FAT4: variants seen among roughly 807,000 people sequenced by gnomAD.
FAT4 encodes protocadherin Fat 4.
In FAT4, 84 loss-of-function variants were observed where a neutral mutation model predicts 303.9. The observed-to-expected ratio is 0.28, with a 90% CI of 0.23 to 0.33. The LOEUF is 0.33. Among genes scored for constraint, FAT4 ranks in the 10% least tolerant of loss-of-function variants. The pLI is 1.00. For missense variants in FAT4, 6,005 were observed against 6,146.8 expected (o/e 0.98, Z 0.77); for synonymous variants, 2,307 against 2,298.8 (o/e 1.00, Z -0.10).
At chr4:125,339,928 G>T in intron 2 of FAT4, among the ~76,000 whole-genome samples, 2 of 152,132 alleles carry the variant, frequency 1.3e-5, no homozygotes, top group East Asian at 3.9e-4. Context: ...TTGTATAATT[G>T]TATAATTGTA....
At chr4:125,405,792 A>G (rs561206429) in intron 3 of FAT4, among the ~76,000 whole-genome samples, 27 of 152,086 alleles carry the variant, frequency 1.8e-4, no homozygotes, top group Middle Eastern at 6.8e-3. Flanking sequence ...GTGAGCCACC[A>G]CGCCTGGCCA....
intron 2 of FAT4, among the ~76,000 whole-genome samples, chr4:125,352,583 T>C (rs942144428): frequency 6.6e-6 from 1 of 151,788 alleles, no homozygotes; most frequent in African/African-American, 2.4e-5. Context: ...TTGTTACTTT[T>C]TAAGCCTATT....
chr4:125,477,361 T>G, intron 14 of FAT4, 27 bp downstream of exon 14: 1 of 1,514,644 alleles, frequency 6.6e-7, no homozygotes, highest in Non-Finnish European at 8.9e-7. Context: ...TCTTACTGTT[T>G]TAAAGAAAAA....
Position 125,451,049 on chromosome 4 carries a change from G to A in FAT4, c.10039G>A (p.Gly3347Ser). 1 of 1,613,980 alleles carries A rather than the reference G, an allele frequency of 6.2e-7. No individual in the cohort carries two copies. The highest frequency in any genetic ancestry group is 8.5e-7 in the Non-Finnish European group (1 of 1,179,990). The change falls in exon 10 of 18, where the codon GGT becomes AGT. Residue 3347 changes from glycine (G) to serine (S), a missense_variant. By Grantham distance (56) the Gly-to-Ser change is moderately conservative (BLOSUM62 0). Transcript: ENST00000394329. ...YLIFGNSRKK[G>S]FQINKKTGQI... is the part of the protein sequence containing the mutation. ...GATTTTTGGTAATAGTCGAAAGAAGGGTTTCCAGATCAATAAGAAGACTGG... is the reference window on the plus strand; with the variant it reads ...GATTTTTGGTAATAGTCGAAAGAAGAGTTTCCAGATCAATAAGAAGACTGG...
Position 125,487,573 on chromosome 4 carries a change from C to G in FAT4, c.13051C>G (p.Pro4351Ala). The G allele has an allele frequency of 6.2e-7, 1 of 1,612,584 alleles. No individual in the cohort carries two copies. The highest frequency in any genetic ancestry group is 8.5e-7 in the Non-Finnish European group (1 of 1,179,226). The change falls in exon 17 of 18, where the codon CCA becomes GCA. Residue 4351 changes from proline to alanine, a missense_variant. By Grantham distance (27) the Pro-to-Ala change is conservative. Coordinates refer to ENST00000394329, the MANE Select transcript of FAT4 (RefSeq NM_001291303.3). ...GCTTACTATATCACTTGGAGGAATT[C>G]CACCCAATCAAGCACATCGAGATGC... ...DVLTISLGGIPPNQAHRDAQT... is the reference protein window; with the variant it reads ...DVLTISLGGIAPNQAHRDAQT...
chr4:125,379,848 T>A (rs1733473385), intron 2 of FAT4, among the ~76,000 whole-genome samples: 1 of 151,996 alleles, frequency 6.6e-6, no homozygotes, highest in South Asian at 2.1e-4. Context: ...CACATATATA[T>A]GTATACATAT....
intron 2 of FAT4, among the ~76,000 whole-genome samples, chr4:125,335,689 C>G (rs1457577815): frequency 6.7e-6 from 1 of 150,160 alleles, no homozygotes; most frequent in Admixed American, 6.6e-5. Context: ...TGGAGGAGTT[C>G]TATTTATTAT....
rs139068663 is a variant in FAT4 at position 125,358,000 on chromosome 4, G to C, written c.5175+36414G>C. On this transcript the variant is annotated intron_variant, in intron 2 of 17. Coordinates refer to ENST00000394329, the MANE Select transcript of FAT4 (RefSeq NM_001291303.3). ...GTTTCCTTTGTAGTCAGTTAAGTAT[G>C]GTTCTTTTAAGTAAGCCAGACCAGA... Among the ~76,000 whole-genome samples, 378 of 152,214 alleles carry C rather than the reference G, an allele frequency of 2.5e-3. 3 individuals carry two copies. The highest frequency in any genetic ancestry group is 8.1e-3 in the Admixed American group (124 of 15,272).
At chr4:125,373,725 T>G (rs2125993440) in intron 2 of FAT4, among the ~76,000 whole-genome samples, 1 of 152,260 alleles carries the variant, frequency 6.6e-6, no homozygotes, top group African/African-American at 2.4e-5. Flanking sequence ...GATTACTTGA[T>G]TGAAGAAACA....
At position 125,455,984 on chromosome 4, in the gene FAT4, C is replaced by T. The variant is rs368833945; in HGVS notation, c.11800+3174C>T. 3.9e-5 allele frequency among the ~76,000 whole-genome samples: 6 copies of T among 152,268 alleles called. No homozygotes were observed. In the East Asian group the frequency reaches 9.7e-4, roughly 25 times the overall value. On this transcript the variant is annotated intron_variant, in intron 10 of 17. Transcript: ENST00000394329. ...AGACATGGCAGGCATTGCAAGACACCGCTGCTGATCCTCTTGCCCACCTGC... is the reference window on the plus strand; with the variant it reads ...AGACATGGCAGGCATTGCAAGACACTGCTGCTGATCCTCTTGCCCACCTGC...
chr4:125,401,073 A>G (rs1437219361), intron 3 of FAT4, among the ~76,000 whole-genome samples: 1 of 152,018 alleles, frequency 6.6e-6, no homozygotes, highest in Non-Finnish European at 1.5e-5. Context: ...ACATTAAAGG[A>G]AAGGGGGGCA....
intron 2 of FAT4, among the ~76,000 whole-genome samples, chr4:125,349,215 A>G (rs902450261): frequency 1.3e-5 from 2 of 151,818 alleles, no homozygotes; most frequent in African/African-American, 4.8e-5. Context: ...TGAATTTTCC[A>G]GTATATTAAA....
intron 8 of FAT4, among the ~76,000 whole-genome samples, chr4:125,443,665 G>A (rs973416988): frequency 2.6e-5 from 4 of 152,108 alleles, no homozygotes; most frequent in Non-Finnish European, 5.9e-5. Context: ...CATGCACTAA[G>A]AAATCAATAA....
chr4:125,449,088 C>T lies in FAT4; in HGVS notation c.8078C>T (p.Ser2693Leu), dbSNP rs148918820. 6.4e-4 allele frequency: 1,031 copies of T among 1,613,816 alleles called. No individual in the cohort carries two copies. The highest frequency in any genetic ancestry group is 8.5e-4 in the Non-Finnish European group (998 of 1,179,880). The change falls in exon 10 of 18, where the codon TCG becomes TTG. Residue 2693 changes from serine (S) to leucine (L), a missense_variant. By Grantham distance (145) the Ser-to-Leu change is moderately radical. Transcript: ENST00000394329. Reference sequence around the variant, plus strand: ...TCCCCTCGAAAAATACTTACTGTTTCGGCAATGGACAAGGACAGTGGACCC... The same window carrying T: ...TCCCCTCGAAAAATACTTACTGTTTTGGCAATGGACAAGGACAGTGGACCC... ...NLSPRKILTV[S>L]AMDKDSGPNG...
chr4:125,392,642 G>A (rs1391837524), intron 2 of FAT4, among the ~76,000 whole-genome samples: 2 of 151,922 alleles, frequency 1.3e-5, no homozygotes, highest in Non-Finnish European at 2.9e-5. Flanking sequence ...GTTTTCCAGT[G>A]GCATTGATAA....
chr4:125,469,276 G>T (rs1038767496), intron 12 of FAT4, among the ~76,000 whole-genome samples: 1 of 152,148 alleles, frequency 6.6e-6, no homozygotes, highest in Non-Finnish European at 1.5e-5. Flanking sequence ...CTGGTGGAGG[G>T]TCTTGCCTTG....
chr4:125,391,076 T>C (rs555486631), intron 2 of FAT4, among the ~76,000 whole-genome samples: 61 of 152,270 alleles, frequency 4.0e-4, no homozygotes, highest in Middle Eastern at 6.8e-3. Flanking sequence ...TTGGGGGTAA[T>C]GTAAGTAAGT....
intron 12 of FAT4, among the ~76,000 whole-genome samples, chr4:125,469,740 G>A (rs1376988409): frequency 1.3e-5 from 2 of 152,084 alleles, no homozygotes; most frequent in African/African-American, 4.8e-5. Context: ...TACCACATTG[G>A]CAATTACTTC....
intron 2 of FAT4, among the ~76,000 whole-genome samples, chr4:125,352,043 A>C (rs1031700666): frequency 1.3e-5 from 2 of 151,700 alleles, no homozygotes; most frequent in Non-Finnish European, 3.0e-5. Flanking sequence ...GATTTATTGT[A>C]GTATAACTTT....
Sources: gnomAD v4.1 joint callset for allele counts (sites outside exome capture counted in the v4.1 genomes callset) on GRCh38, gnomAD v4.1.1 for gene constraint, MANE v1.5 for transcripts, NCBI Gene and HGNC (gene_info 2026-07-23, HGNC 2026-07-21) for gene names.